The following NUDT7 variants were observed in gnomAD, a reference collection of about 807,000 sequenced individuals.
The protein encoded by NUDT7 is peroxisomal coenzyme A diphosphatase NUDT7.
NUDT7 carries 19 observed loss-of-function variants against 13.1 expected under a neutral mutation model. The ratio of observed to expected loss-of-function variants is 1.45; its 90% confidence interval spans 1.01 to 2.13. The LOEUF is 2.13. Among genes scored for constraint, NUDT7 ranks in the 30% most tolerant of loss-of-function variants. The probability of loss-of-function intolerance (pLI) is 0.00; values close to 1 mark genes in which losing one functional copy is unlikely to be tolerated. For missense variants in NUDT7, 360 were observed against 291.7 expected (o/e 1.23, Z -1.71); for synonymous variants, 132 against 109.7 (o/e 1.20, Z -1.27).
At chr16:77,726,612 T>C (rs554949432) in intron 2 of NUDT7, among the ~76,000 whole-genome samples, 21 of 152,076 alleles carry the variant, frequency 1.4e-4, no homozygotes, top group East Asian at 5.8e-4. Flanking sequence ...CTGACCAACA[T>C]AGTGAAACCC....
intron 2 of NUDT7, among the ~76,000 whole-genome samples, chr16:77,730,782 T>G (rs1030560586): frequency 6.6e-6 from 1 of 152,122 alleles, no homozygotes; most frequent in Non-Finnish European, 1.5e-5. Context: ...TACGTTTTGT[T>G]TTTTAGATAA....
chr16:77,738,674 A>C (rs922494881), intron 3 of NUDT7, among the ~76,000 whole-genome samples: 1 of 152,044 alleles, frequency 6.6e-6, no homozygotes, highest in African/African-American at 2.4e-5. Flanking sequence ...TCCCAAGTTC[A>C]AGCAATTCTC....
At chr16:77,740,006 C>G (rs2014609049) in intron 3 of NUDT7, among the ~76,000 whole-genome samples, 1 of 152,170 alleles carries the variant, frequency 6.6e-6, no homozygotes, top group Non-Finnish European at 1.5e-5. Flanking sequence ...CCTGGGAGCA[C>G]TTTCTTAAAA....
intron 2 of NUDT7, among the ~76,000 whole-genome samples, chr16:77,733,769 T>C (rs1457706329): frequency 6.6e-6 from 1 of 152,082 alleles, no homozygotes; most frequent in African/African-American, 2.4e-5. Context: ...TTGCACACAG[T>C]TGGAAAGAGG....
chr16:77,739,401 A>T (rs915181466), intron 3 of NUDT7, among the ~76,000 whole-genome samples: 5 of 152,142 alleles, frequency 3.3e-5, no homozygotes, highest in Admixed American at 2.6e-4. Context: ...TTTTTAGACC[A>T]TGTAGGGTAA....
chr16:77,722,718 T>A, intron 1 of NUDT7, 101 bp downstream of exon 1: 2 of 1,068,560 alleles, frequency 1.9e-6, no homozygotes, highest in Non-Finnish European at 2.8e-6. Flanking sequence ...ATTTTGCAGC[T>A]CCCGCCAGTC....
In NUDT7 at chr16:77,722,549, G is replaced by C; in HGVS notation, c.-34G>C. The C allele has an allele frequency of 2.6e-6, 4 of 1,567,658 alleles. No individual in the cohort carries two copies. Among genetic ancestry groups the C allele is most frequent in the Non-Finnish European group, 2.6e-6 (3 of 1,155,234 alleles). ...AGCGCGACCGACCGAGCAGCTCCGAGGAGTCCGCCCGGAAACAAACATTCC... is the reference window on the plus strand; with the variant it reads ...AGCGCGACCGACCGAGCAGCTCCGACGAGTCCGCCCGGAAACAAACATTCC... On this transcript the variant is annotated 5_prime_UTR_variant, in exon 1 of 4. Coordinates refer to ENST00000268533, the MANE Select transcript of NUDT7 (RefSeq NM_001105663.3).
At chr16:77,724,142 C>T (rs1345703169) in intron 1 of NUDT7, among the ~76,000 whole-genome samples, 1 of 152,182 alleles carries the variant, frequency 6.6e-6, no homozygotes, top group Non-Finnish European at 1.5e-5. Context: ...CCTTTCCTTG[C>T]CTCTTCCAGT....
intron 1 of NUDT7, 89 bp downstream of exon 1, chr16:77,722,706 T>A: frequency 7.5e-7 from 1 of 1,331,692 alleles, no homozygotes; most frequent in Non-Finnish European, 1.0e-6. Context: ...TGGCCGGGAC[T>A]GATTTTGCAG....
Position 77,741,786 on chromosome 16 carries a change from A to G in NUDT7, c.553A>G (p.Thr185Ala). The change falls in exon 4 of 4, where the codon ACT becomes GCT. Residue 185 changes from threonine to alanine, a missense_variant. Physicochemically the swap from Thr to Ala is moderately conservative, Grantham distance 58 (BLOSUM62 0). Coordinates refer to ENST00000268533, the MANE Select transcript of NUDT7 (RefSeq NM_001105663.3). ...FEYTNPEDGV[T>A]YQIKGMTANL... The stretch of plus-strand genomic sequence containing the variant: ...GTACACAAACCCTGAAGACGGTGTC[A>G]CTTACCAGATCAAGGGAATGACGGC... 4 of 1,614,178 alleles carry G rather than the reference A, an allele frequency of 2.5e-6. No individual in the cohort carries two copies. The highest frequency in any genetic ancestry group is 2.5e-6 in the Non-Finnish European group (3 of 1,180,046).
intron 2 of NUDT7, among the ~76,000 whole-genome samples, chr16:77,731,444 A>G (rs1356636856): frequency 2.6e-5 from 4 of 152,198 alleles, no homozygotes; most frequent in Admixed American, 2.0e-4. Flanking sequence ...TCATAGCACA[A>G]GACATTACTC....
rs1421129384 is a variant in NUDT7 at position 77,741,567 on chromosome 16, G to T, written c.349-15G>T. 1 of 1,573,628 alleles carries T rather than the reference G, an allele frequency of 6.4e-7. No homozygotes were observed. The highest frequency in any genetic ancestry group is 8.6e-7 in the Non-Finnish European group (1 of 1,163,670). ...CTTCACTTCTTAATTTGTCTGTTTT[G>T]TTTTCTGCTTTTAGACAGATACATT... On this transcript the variant is annotated splice_polypyrimidine_tract_variant and intron_variant, in intron 3 of 3. Coordinates refer to ENST00000268533, the MANE Select transcript of NUDT7 (RefSeq NM_001105663.3).
intron 2 of NUDT7, among the ~76,000 whole-genome samples, chr16:77,730,801 C>A (rs887680786): frequency 3.3e-5 from 5 of 151,832 alleles, no homozygotes; most frequent in African/African-American, 1.2e-4. Context: ...AATGGCCATT[C>A]TAAAAGGTGT....
intron 1 of NUDT7, among the ~76,000 whole-genome samples, chr16:77,723,059 A>T (rs1426772202): frequency 6.6e-6 from 1 of 152,214 alleles, no homozygotes; most frequent in East Asian, 1.9e-4. Context: ...TGTTGTGAGG[A>T]TAAAATGAGA....
chr16:77,723,709 A>G (rs1440444187), intron 1 of NUDT7, among the ~76,000 whole-genome samples: 1 of 149,828 alleles, frequency 6.7e-6, no homozygotes, highest in Non-Finnish European at 1.5e-5. Flanking sequence ...CTCCTGCCTC[A>G]ACCTTCTGAG....
At position 77,741,719 on chromosome 16, in the gene NUDT7, C is replaced by A. The variant is rs1392186417; in HGVS notation, c.486C>A (p.Tyr162Ter). ...ATCCACAGGTCCATGACCAGCATTACGTCACACGTCTTGGTCACCGTTTTA... is the reference window on the plus strand; with the variant it reads ...ATCCACAGGTCCATGACCAGCATTAAGTCACACGTCTTGGTCACCGTTTTA... Reference protein sequence around the residue: ...FLHPQVHDQHYVTRLGHRFIN... With the variant: ...FLHPQVHDQH The change falls in exon 4 of 4, where the codon TAC becomes TAA. Residue 162 changes from tyrosine (Y) to a stop codon, truncating the protein, a stop_gained. Coordinates refer to ENST00000268533, the MANE Select transcript of NUDT7 (RefSeq NM_001105663.3). LOFTEE classifies it low-confidence loss of function (END_TRUNC). The A allele has an allele frequency of 1.9e-6, 3 of 1,613,964 alleles. No individual in the cohort carries two copies. Among genetic ancestry groups the A allele is most frequent in the African/African-American group, 1.3e-5 (1 of 74,922 alleles).
chr16:77,724,366 A>T (rs1325240382), intron 1 of NUDT7, among the ~76,000 whole-genome samples: 1 of 151,660 alleles, frequency 6.6e-6, no homozygotes, highest in East Asian at 1.9e-4. Flanking sequence ...GGCTCAAGTG[A>T]TCCTCCCACT....
intron 2 of NUDT7, among the ~76,000 whole-genome samples, chr16:77,731,198 C>G (rs140327856): frequency 6.6e-6 from 1 of 152,098 alleles, no homozygotes; most frequent in Non-Finnish European, 1.5e-5. Flanking sequence ...CTCACTAATC[C>G]AAAATGATCT....
intron 2 of NUDT7, 81 bp downstream of exon 2, chr16:77,725,665 T>C: frequency 7.5e-7 from 1 of 1,339,594 alleles, no homozygotes; most frequent in South Asian, 1.4e-5. Context: ...GCACACACTT[T>C]GATGCCAAAA....
Sources: allele counts gnomAD v4.1 joint callset (sites outside exome capture counted in the v4.1 genomes callset), GRCh38; gene constraint gnomAD v4.1.1; transcripts MANE v1.5; gene names NCBI Gene and HGNC (gene_info 2026-07-23, HGNC 2026-07-21).